EFNA5: variants seen among roughly 807,000 people sequenced by gnomAD.
The protein encoded by EFNA5 is ephrin A5, also known as ephrin-A5.
In EFNA5, 5 loss-of-function variants were observed where a neutral mutation model predicts 22.9. The observed-to-expected ratio is 0.22, with a 90% CI of 0.11 to 0.46. The LOEUF is 0.46. Ranked by LOEUF, EFNA5 falls within the 20% of genes least tolerant of loss-of-function variation. The pLI is 0.99. For synonymous variants in EFNA5, 113 were observed against 112.2 expected, an observed-to-expected ratio of 1.01 and a Z score of -0.04; for missense variants, 237 against 293.3, an observed-to-expected ratio of 0.81 and a Z score of 1.40.
rs11957030 is a variant in EFNA5 at position 107,605,411 on chromosome 5, T to C, written c.125+65078A>G. Among the ~76,000 whole-genome samples, 1,347 of 152,182 alleles carry C rather than the reference T, an allele frequency of 8.9e-3. 18 individuals carry two copies. Among genetic ancestry groups the C allele is most frequent in the African/African-American group, 0.03 (1,263 of 41,526 alleles). On this transcript the variant is annotated intron_variant, in intron 1 of 4. Transcript: ENST00000333274. ...TGCAATCTTCTTTTATCTAAACACA[T>C]GAATACAGCAGAAAATTGCACTGTT...
intron 1 of EFNA5, among the ~76,000 whole-genome samples, chr5:107,628,994 C>T (rs924517704): frequency 7.2e-5 from 11 of 152,072 alleles, no homozygotes; most frequent in Admixed American, 6.6e-4. Context: ...GTTTCTTCGG[C>T]ATCCTAAGTG....
chr5:107,585,259 T>C (rs1334244414), intron 1 of EFNA5, among the ~76,000 whole-genome samples: 2 of 152,176 alleles, frequency 1.3e-5, no homozygotes, highest in African/African-American at 4.8e-5. Context: ...AATTCTAAGT[T>C]AACTTCTAGA....
chr5:107,484,414 G>A (rs939414395), intron 1 of EFNA5, among the ~76,000 whole-genome samples: 2 of 152,132 alleles, frequency 1.3e-5, no homozygotes, highest in Admixed American at 6.5e-5. Context: ...AAATAACTTT[G>A]AGGATCTGAT....
At chr5:107,648,123 A>G (rs1237606713) in intron 1 of EFNA5, among the ~76,000 whole-genome samples, 1 of 152,326 alleles carries the variant, frequency 6.6e-6, no homozygotes, top group Non-Finnish European at 1.5e-5. Flanking sequence ...GAGAACTGGC[A>G]TCTTGGAACT....
Position 107,380,877 on chromosome 5 carries a change from TCTTC to T in EFNA5, c.*374_*377del. The T allele has an allele frequency of 2.4e-6, 1 of 410,090 alleles. No individual in the cohort carries two copies. The highest frequency in any genetic ancestry group is 4.3e-6 in the Non-Finnish European group (1 of 232,202). The allele number at this position is 410,090 out of a possible 1,614,324, so 25.4% of individuals were successfully genotyped here. A position where few individuals can be genotyped will look rare whatever the true frequency, so the allele number is the denominator to read the frequency against. On this transcript the variant is annotated 3_prime_UTR_variant, in exon 5 of 5. Transcript: ENST00000333274. ...CAGCGCTGGCTGCATCTGCCACTAT[TCTTC>T]CTTGTCCATAGCCCGCTGACACAGT...
At chr5:107,648,951 T>A (rs895695599) in intron 1 of EFNA5, among the ~76,000 whole-genome samples, 1 of 152,142 alleles carries the variant, frequency 6.6e-6, no homozygotes, top group Non-Finnish European at 1.5e-5. Flanking sequence ...AAGTAAATCA[T>A]AAGTTTTTAA....
intron 1 of EFNA5, among the ~76,000 whole-genome samples, chr5:107,652,272 G>A (rs1005069699): frequency 2.0e-5 from 3 of 152,102 alleles, no homozygotes; most frequent in Admixed American, 2.0e-4. Context: ...CTTTGCTCCT[G>A]TTCCTAAGGA....
chr5:107,469,196 C>G (rs901905226), intron 1 of EFNA5, among the ~76,000 whole-genome samples: 25 of 152,238 alleles, frequency 1.6e-4, no homozygotes, highest in Non-Finnish European at 1.8e-4. Context: ...TGTGACTACC[C>G]CAGCCCAGCA....
At chr5:107,507,180 T>G (rs1361471652) in intron 1 of EFNA5, among the ~76,000 whole-genome samples, 1 of 152,140 alleles carries the variant, frequency 6.6e-6, no homozygotes, top group African/African-American at 2.4e-5. Flanking sequence ...ACATTAGAAG[T>G]AATCTAATCC....
At chr5:107,480,122 C>A (rs1195850713) in intron 1 of EFNA5, among the ~76,000 whole-genome samples, 1 of 152,132 alleles carries the variant, frequency 6.6e-6, no homozygotes, top group Non-Finnish European at 1.5e-5. Flanking sequence ...ATTTCCATGT[C>A]CCAAGTGCCC....
intron 1 of EFNA5, among the ~76,000 whole-genome samples, chr5:107,511,041 T>TGTGTGTGTGTGTGTGA (rs1363882358): frequency 1.9e-3 from 278 of 149,822 alleles, no homozygotes; most frequent in African/African-American, 6.5e-3. Flanking sequence ...TGTGTGTGTG[T>TGTGTGTGTGTGTGTGA]GAGACGGAGA....
At chr5:107,665,111 T>C (rs564261357) in intron 1 of EFNA5, among the ~76,000 whole-genome samples, 1 of 152,274 alleles carries the variant, frequency 6.6e-6, no homozygotes, top group Non-Finnish European at 1.5e-5. Flanking sequence ...GCTTTCTCTC[T>C]CTCAAAGGTA....
rs190823919 is a variant in EFNA5, at chr5:107,608,815, G to A, written c.125+61674C>T. ...TGGCCCCAAGCAGGCTGGTCCCAAC[G>A]CTCGGTTTATTCCAGAAGCTGAATA... On this transcript the variant is annotated intron_variant, in intron 1 of 4. Coordinates refer to ENST00000333274, the MANE Select transcript of EFNA5 (RefSeq NM_001962.3). Among the ~76,000 whole-genome samples, 309 of 152,274 alleles carry A rather than the reference G, an allele frequency of 2.0e-3. 1 individual carries two copies. Among genetic ancestry groups the A allele is most frequent in the African/African-American group, 7.0e-3 (291 of 41,566 alleles).
rs1265030127 is a variant in EFNA5, at chr5:107,580,679, G to T, written c.125+89810C>A. ...CGGAGCTTGCAGTGAGCCGAGATGC[G>T]CCACTACACTCCAGCCTGGGCAAAA... On this transcript the variant is annotated intron_variant, in intron 1 of 4. Coordinates refer to ENST00000333274, the MANE Select transcript of EFNA5 (RefSeq NM_001962.3). Among the ~76,000 whole-genome samples the T allele has an allele frequency of 1.1e-4, 15 of 137,294 alleles. No homozygotes were observed. In the Admixed American group the frequency reaches 1.2e-3, roughly 11 times the overall value. The allele number at this position is 137,294 out of a possible 152,430, so 90.1% of individuals were successfully genotyped here.
At position 107,495,351 on chromosome 5, in the gene EFNA5, C is replaced by A. The variant is rs1297660809; in HGVS notation, c.126-67842G>T. Among the ~76,000 whole-genome samples, 3 of 152,074 alleles carry A rather than the reference C, an allele frequency of 2.0e-5. No homozygotes were observed. In the East Asian group the frequency reaches 5.8e-4, roughly 29 times the overall value. On this transcript the variant is annotated intron_variant, in intron 1 of 4. Coordinates refer to ENST00000333274, the MANE Select transcript of EFNA5 (RefSeq NM_001962.3). ...GAAGGTCTGCAGCTTCACTCCTGAGCTAGCGAGACCACGAATCCAACAGAA... is the reference window on the plus strand; with the variant it reads ...GAAGGTCTGCAGCTTCACTCCTGAGATAGCGAGACCACGAATCCAACAGAA...
At position 107,604,318 on chromosome 5, in the gene EFNA5, C is replaced by G. The variant is rs140226774; in HGVS notation, c.125+66171G>C. Among the ~76,000 whole-genome samples, 312 of 152,022 alleles carry G rather than the reference C, an allele frequency of 2.1e-3. 1 individual carries two copies. The highest frequency in any genetic ancestry group is 7.0e-3 in the African/African-American group (292 of 41,530). ...CCTCAGCCTCCCGAGTAGCTGGGAC[C>G]ATGTATGGGCTTGCACCTGGCTCTG... On this transcript the variant is annotated intron_variant, in intron 1 of 4. Coordinates refer to ENST00000333274, the MANE Select transcript of EFNA5 (RefSeq NM_001962.3).
intron 1 of EFNA5, among the ~76,000 whole-genome samples, chr5:107,552,881 A>G (rs146396236): frequency 6.6e-6 from 1 of 152,320 alleles, no homozygotes; most frequent in Non-Finnish European, 1.5e-5. Flanking sequence ...TGACATTTTG[A>G]GCAATAATTT....
At chr5:107,666,471 C>T (rs917772249) in intron 1 of EFNA5, among the ~76,000 whole-genome samples, 2 of 152,114 alleles carry the variant, frequency 1.3e-5, no homozygotes, top group Non-Finnish European at 2.9e-5. Context: ...TTACCTGCTA[C>T]TCTAATATGA....
intron 1 of EFNA5, among the ~76,000 whole-genome samples, chr5:107,484,356 T>C (rs1325033173): frequency 1.3e-5 from 2 of 152,156 alleles, no homozygotes; most frequent in Admixed American, 6.5e-5. Context: ...AGCAGCCAGT[T>C]TCCAGCAACG....
Sources: allele counts gnomAD v4.1 joint callset (sites outside exome capture counted in the v4.1 genomes callset), GRCh38; gene constraint gnomAD v4.1.1; transcripts MANE v1.5; gene names NCBI Gene and HGNC (gene_info 2026-07-23, HGNC 2026-07-21).